ZNF44: variants seen among roughly 807,000 people sequenced by gnomAD.
ZNF44 encodes gonadotropin inducible transcription repressor-2.
Under a neutral mutation model 11.7 loss-of-function variants are expected in ZNF44, and 9 were observed. That is an observed-to-expected ratio of 0.77 (90% CI 0.46 to 1.35). The LOEUF (loss-of-function observed/expected upper bound fraction) is 1.35. Among genes scored for constraint, ZNF44 ranks in the 40% most tolerant of loss-of-function variants. The pLI is 0.00. For missense variants in ZNF44, 696 were observed against 743.1 expected (o/e 0.94, Z 0.74); for synonymous variants, 224 against 242.7 (o/e 0.92, Z 0.72).
At chr19:12,236,902 G>A (rs890371228) in intron 1 of ZNF44, among the ~76,000 whole-genome samples, 1 of 152,158 alleles carries the variant, frequency 6.6e-6, no homozygotes, top group African/African-American at 2.4e-5. Context: ...ACCTTTGGTT[G>A]ACAGACCAAA....
intron 5 of ZNF44, among the ~76,000 whole-genome samples, chr19:12,256,343 G>A (rs1332635713): frequency 6.6e-6 from 1 of 151,910 alleles, no homozygotes; most frequent in African/African-American, 2.4e-5. Flanking sequence ...AAAAAAATTA[G>A]CCAGGCATGG....
At position 12,273,240 on chromosome 19, in the gene ZNF44, A is replaced by G. The variant is rs772333187; in HGVS notation, c.1015T>C (p.Cys339Arg). 6 of 1,613,934 alleles carry G rather than the reference A, an allele frequency of 3.7e-6. No individual in the cohort carries two copies. The African/African-American group carries it at 5.3e-5, about 14-fold the overall frequency. ...TCAAAGCCTTTCCCACATATCTTAC[A>G]TTTATGAGGTCCATCTCCACTGTGC... ...IMHSGDGPHK[C>R]KICGKGFDFP... is the part of the protein sequence containing the mutation. The change falls in exon 4 of 4, where the codon TGT (cysteine) becomes CGT (arginine). Residue 339 changes from cysteine to arginine, a missense_variant. Transcript: ENST00000355684.
At chr19:12,282,833 T>C (rs1002775205) in intron 1 of ZNF44, among the ~76,000 whole-genome samples, 2 of 152,220 alleles carry the variant, frequency 1.3e-5, no homozygotes, top group Non-Finnish European at 2.9e-5. Flanking sequence ...ATTAACGTTA[T>C]CTACTAACAT....
At chr19:12,291,574 T>C (rs1968006983) in intron 1 of ZNF44, among the ~76,000 whole-genome samples, 1 of 152,080 alleles carries the variant, frequency 6.6e-6, no homozygotes, top group African/African-American at 2.4e-5. Flanking sequence ...GGCGCACGCC[T>C]GTAGTCGCAG....
intron 5 of ZNF44, among the ~76,000 whole-genome samples, chr19:12,266,727 C>G (rs1196365456): frequency 6.6e-6 from 1 of 152,206 alleles, no homozygotes; most frequent in Non-Finnish European, 1.5e-5. Context: ...AAGAAACCAG[C>G]AGGACATGCC....
chr19:12,288,993 C>T (rs938201082), intron 1 of ZNF44, among the ~76,000 whole-genome samples: 1 of 151,572 alleles, frequency 6.6e-6, no homozygotes, highest in Admixed American at 6.6e-5. Context: ...ACTGATTACT[C>T]TGAACAAAAT....
At position 12,273,228 on chromosome 19, in the gene ZNF44, C is replaced by T; in HGVS notation, c.1027G>A (p.Gly343Arg). 1 of 1,614,010 alleles carries T rather than the reference C, an allele frequency of 6.2e-7. No homozygotes were observed. The highest frequency in any genetic ancestry group is 1.1e-5 in the South Asian group (1 of 91,072). The change falls in exon 4 of 4, where the codon GGG becomes AGG. Residue 343 changes from glycine to arginine, a missense_variant. Physicochemically the swap from Gly to Arg is moderately radical, Grantham distance 125. Transcript: ENST00000355684. ...GDGPHKCKIC[G>R]KGFDFPGSAR... ...GAACCAGGAAAATCAAAGCCTTTCCCACATATCTTACATTTATGAGGTCCA... is the reference window on the plus strand; with the variant it reads ...GAACCAGGAAAATCAAAGCCTTTCCTACATATCTTACATTTATGAGGTCCA...
chr19:12,257,001 C>T (rs563025742), intron 5 of ZNF44, among the ~76,000 whole-genome samples: 1 of 152,274 alleles, frequency 6.6e-6, no homozygotes, highest in Admixed American at 6.5e-5. Flanking sequence ...AGCCACTGCT[C>T]CTGGCCAGCA....
In ZNF44 at chr19:12,272,654, C is replaced by T; in HGVS notation, c.1601G>A (p.Cys534Tyr). The change falls in exon 4 of 4, where the codon TGT becomes TAT. Residue 534 changes from cysteine (C) to tyrosine (Y), a missense_variant. Physicochemically the swap from Cys to Tyr is radical, Grantham distance 194. Coordinates refer to ENST00000355684, the MANE Select transcript of ZNF44 (RefSeq NM_016264.4). ...RTHTAEKPYECKQCRKAFFWP... is the reference protein window; with the variant it reads ...RTHTAEKPYEYKQCRKAFFWP... The stretch of plus-strand genomic sequence containing the variant: ...AAAGAATGCTTTCCTGCATTGCTTA[C>T]ATTCATATGGCTTCTCTGCCGTGTG... The T allele has an allele frequency of 6.2e-7, 1 of 1,613,784 alleles. No individual in the cohort carries two copies. The highest frequency in any genetic ancestry group is 8.5e-7 in the Non-Finnish European group (1 of 1,179,906).
downstream of ZNF44, among the ~76,000 whole-genome samples, chr19:12,269,460 T>C (rs1320495815): frequency 6.6e-6 from 1 of 152,112 alleles, no homozygotes; most frequent in Non-Finnish European, 1.5e-5. Context: ...AGGCAGAGGT[T>C]GCAGTGAGCC....
At chr19:12,288,567 C>T (rs1967855561) in intron 1 of ZNF44, among the ~76,000 whole-genome samples, 1 of 151,244 alleles carries the variant, frequency 6.6e-6, no homozygotes, top group Non-Finnish European at 1.5e-5. Flanking sequence ...CATGATGAAA[C>T]CCCATCTCTA....
intron 1 of ZNF44, among the ~76,000 whole-genome samples, chr19:12,289,740 G>C (rs1033705738): frequency 2.7e-5 from 4 of 146,996 alleles, no homozygotes; most frequent in African/African-American, 5.1e-5. Flanking sequence ...CGCCTCCCCA[G>C]TTCACACCAT....
At chr19:12,240,073 G>A (rs948085371), upstream of ZNF44, among the ~76,000 whole-genome samples, 2 of 152,086 alleles carry the variant, frequency 1.3e-5, no homozygotes, top group Non-Finnish European at 2.9e-5. Flanking sequence ...TGGATTGTAA[G>A]ACTTCCTATT....
At chr19:12,291,263 G>T in intron 1 of ZNF44, 1 of 455,048 alleles carries the variant, frequency 2.2e-6, no homozygotes. Context: ...AAAAAGAAGA[G>T]AAACTAAAGT....
intron 5 of ZNF44, among the ~76,000 whole-genome samples, chr19:12,266,059 G>A (rs1363049833): frequency 6.6e-6 from 1 of 152,188 alleles, no homozygotes; most frequent in Non-Finnish European, 1.5e-5. Context: ...GGCTGGGGGC[G>A]AAGTCACCAC....
chr19:12,266,316 C>T (rs1013755259), intron 5 of ZNF44: 14 of 985,308 alleles, frequency 1.4e-5, no homozygotes, highest in Non-Finnish European at 1.4e-5. Flanking sequence ...CTCCTGATGG[C>T]TCTCCTGGCC....
intron 3 of ZNF44, among the ~76,000 whole-genome samples, chr19:12,230,021 A>G (rs1455989723): frequency 6.6e-6 from 1 of 152,134 alleles, no homozygotes; most frequent in Non-Finnish European, 1.5e-5. Context: ...ACCTCTTGCC[A>G]TTTGCTGTTC....
intron 5 of ZNF44, among the ~76,000 whole-genome samples, chr19:12,262,516 G>A (rs893003732): frequency 1.3e-5 from 2 of 152,040 alleles, no homozygotes; most frequent in African/African-American, 2.4e-5. Context: ...TGATCTGCCC[G>A]CCTCGACCTC....
At chr19:12,289,579 G>A (rs1164349272) in intron 1 of ZNF44, among the ~76,000 whole-genome samples, 1 of 150,788 alleles carries the variant, frequency 6.6e-6, no homozygotes, top group Non-Finnish European at 1.5e-5. Flanking sequence ...GCTTTAAGAC[G>A]CTTTCAGATC....
Sources: allele counts gnomAD v4.1 joint callset (sites outside exome capture counted in the v4.1 genomes callset), GRCh38; gene constraint gnomAD v4.1.1; transcripts MANE v1.5; gene names NCBI Gene and HGNC (gene_info 2026-07-23, HGNC 2026-07-21).